PTK2: variants seen among roughly 807,000 people sequenced by gnomAD.
PTK2 encodes the protein protein tyrosine kinase 2.
In PTK2, 45 loss-of-function variants were observed where a neutral mutation model predicts 150.1. The observed-to-expected ratio is 0.30, with a 90% CI of 0.24 to 0.38. The LOEUF (loss-of-function observed/expected upper bound fraction) is 0.38, where lower values mean the gene tolerates loss of function less well. PTK2 is among the 10% of genes least tolerant of loss of function. The pLI is 1.00. For synonymous variants in PTK2, 432 were observed against 449.2 expected (o/e 0.96, Z 0.48); for missense variants, 919 against 1,307.3 (o/e 0.70, Z 4.58).
intron 1 of PTK2, among the ~76,000 whole-genome samples, chr8:140,933,082 C>G (rs2100172460): frequency 6.6e-6 from 1 of 151,948 alleles, no homozygotes; most frequent in Non-Finnish European, 1.5e-5. Flanking sequence ...AACTCCTGAC[C>G]TCCGATGATC....
intron 1 of PTK2, among the ~76,000 whole-genome samples, chr8:140,948,295 A>G (rs2100178369): frequency 1.3e-5 from 2 of 152,236 alleles, no homozygotes; most frequent in Admixed American, 1.3e-4. Flanking sequence ...TCCCCAGAAC[A>G]CTTGTAGTTG....
chr8:140,972,580 A>G (rs2100187706), intron 1 of PTK2, among the ~76,000 whole-genome samples: 1 of 152,140 alleles, frequency 6.6e-6, no homozygotes, highest in Non-Finnish European at 1.5e-5. Flanking sequence ...TACTGTTTTT[A>G]TATTTTGAAT....
chr8:140,731,668 G>A (rs1044188565), intron 22 of PTK2, among the ~76,000 whole-genome samples: 13 of 152,306 alleles, frequency 8.5e-5, no homozygotes, highest in Non-Finnish European at 1.5e-4. Flanking sequence ...GCCAAGGTGG[G>A]TGGATTGCTT....
chr8:140,871,988 C>A (rs934062129), intron 4 of PTK2, among the ~76,000 whole-genome samples: 2 of 152,080 alleles, frequency 1.3e-5, no homozygotes. Context: ...GTGGGCAGAT[C>A]ATGAGGTCAG....
chr8:140,837,241 A>C (rs1282930766), intron 7 of PTK2, among the ~76,000 whole-genome samples: 1 of 152,044 alleles, frequency 6.6e-6, no homozygotes, highest in African/African-American at 2.4e-5. Context: ...GGGTTGGGGG[A>C]CTTCAGTGTC....
At chr8:140,777,351 G>C (rs1374927886) in intron 14 of PTK2, among the ~76,000 whole-genome samples, 1 of 152,174 alleles carries the variant, frequency 6.6e-6, no homozygotes, top group Non-Finnish European at 1.5e-5. Flanking sequence ...AGAGCAAGGG[G>C]TGGGGTGGGG....
At chr8:140,898,151 G>C (rs943556484) in intron 2 of PTK2, among the ~76,000 whole-genome samples, 1 of 152,062 alleles carries the variant, frequency 6.6e-6, no homozygotes, top group African/African-American at 2.4e-5. Flanking sequence ...CTAGAAAAAA[G>C]AAGTTTTTTT....
intron 2 of PTK2, among the ~76,000 whole-genome samples, chr8:140,891,107 T>G (rs1217770275): frequency 7.5e-6 from 1 of 132,818 alleles, no homozygotes; most frequent in African/African-American, 2.8e-5. Context: ...GAAAATCTCA[T>G]AGCAAAGCCA....
intron 7 of PTK2, among the ~76,000 whole-genome samples, chr8:140,839,681 C>CA (rs1343876319): frequency 6.6e-6 from 1 of 151,768 alleles, no homozygotes; most frequent in African/African-American, 2.4e-5. Context: ...ATATCTCCCC[C>CA]AAAAAAGAGA....
At chr8:140,924,532 G>A (rs1418330975) in intron 2 of PTK2, among the ~76,000 whole-genome samples, 2 of 152,120 alleles carry the variant, frequency 1.3e-5, no homozygotes, top group African/African-American at 2.4e-5. Flanking sequence ...TGAGAAGACG[G>A]CAAAGAGAAT....
chr8:140,902,932 T>TTTTTTTG (rs2100159191), intron 2 of PTK2, among the ~76,000 whole-genome samples: 1 of 97,064 alleles, frequency 1.0e-5, no homozygotes, highest in South Asian at 3.4e-4. Context: ...TTGTTTTTTT[T>TTTTTTTG]TTTTTTTTTT....
At chr8:140,772,768 A>G (rs895253414) in intron 14 of PTK2, among the ~76,000 whole-genome samples, 5 of 152,214 alleles carry the variant, frequency 3.3e-5, no homozygotes, top group Non-Finnish European at 2.9e-5. Flanking sequence ...CAAAATATAA[A>G]TATAGTGAAA....
At chr8:140,665,167 A>G (rs115656220) in intron 30 of PTK2, among the ~76,000 whole-genome samples, 170 bp from the exon 35 acceptor site, 2,837 of 152,122 alleles carry the variant, frequency 0.019, 38 homozygotes, top group Non-Finnish European at 0.023. Flanking sequence ...TTTTCTCCCA[A>G]AAGATTTAGA....
intron 7 of PTK2, among the ~76,000 whole-genome samples, chr8:140,835,258 C>T (rs1188325019): frequency 6.6e-6 from 1 of 152,188 alleles, no homozygotes; most frequent in Non-Finnish European, 1.5e-5. Context: ...ATTATAAGCA[C>T]ATTTTTAAGT....
intron 3 of PTK2, among the ~76,000 whole-genome samples, chr8:140,886,063 G>C (rs1049490236): frequency 6.6e-6 from 1 of 152,184 alleles, no homozygotes; most frequent in African/African-American, 2.4e-5. Context: ...GGTAGCAGTG[G>C]AGGCAATATG....
chr8:140,925,227 A>G (rs141661255), intron 2 of PTK2, among the ~76,000 whole-genome samples: 1 of 152,346 alleles, frequency 6.6e-6, no homozygotes, highest in East Asian at 1.9e-4. Context: ...TGTAAAAAAA[A>G]ATTATTATTC....
intron 29 of PTK2, 119 bp downstream of exon 33, chr8:140,669,608 C>T (rs2094503784): frequency 2.6e-6 from 3 of 1,159,654 alleles, no homozygotes; most frequent in East Asian, 5.1e-5. Context: ...TGAGAGGTGA[C>T]AAAGCAGGCC....
chr8:140,946,643 A>C (rs1331864972), intron 1 of PTK2, among the ~76,000 whole-genome samples: 1 of 152,140 alleles, frequency 6.6e-6, no homozygotes, highest in African/African-American at 2.4e-5. Context: ...TTTAGCTCAA[A>C]TCTCACTTTT....
chr8:140,791,401 A>G (rs1189003034), intron 13 of PTK2, among the ~76,000 whole-genome samples: 4 of 152,182 alleles, frequency 2.6e-5, no homozygotes, highest in Non-Finnish European at 4.4e-5. Context: ...CTAAATAAAC[A>G]TCAGTTCCTG....
Sources: gnomAD v4.1 joint callset for allele counts (sites outside exome capture counted in the v4.1 genomes callset) on GRCh38, gnomAD v4.1.1 for gene constraint, MANE v1.5 for transcripts, NCBI Gene and HGNC (gene_info 2026-07-23, HGNC 2026-07-21) for gene names.